Variants in CFAP210 observed in about 807,000 individuals in gnomAD.
The protein encoded by CFAP210 is cilia and flagella associated protein 210, also known as cilia- and flagella- associated protein 210.
At chr2:169,690,860 A>C in the CFAP210 span, among the ~76,000 whole-genome samples, 1 of 152,016 alleles carries the variant, frequency 6.6e-6, no homozygotes, top group Admixed American at 6.6e-5. Context: ...TTTGATCATG[A>C]TGTGTACAGC....
At chr2:169,687,652 G>A in the CFAP210 span, among the ~76,000 whole-genome samples, 1 of 152,224 alleles carries the variant, frequency 6.6e-6, no homozygotes, top group Admixed American at 6.5e-5. Context: ...CTCCCTCCTG[G>A]CTGCTTTCAC....
chr2:169,668,247 T>C, the CFAP210 span, among the ~76,000 whole-genome samples: 1 of 152,240 alleles, frequency 6.6e-6, no homozygotes, highest in Non-Finnish European at 1.5e-5. Context: ...GCAGTGTCTG[T>C]ACCTCTCCAG....
chr2:169,673,703 C>G, the CFAP210 span, among the ~76,000 whole-genome samples: 2 of 152,018 alleles, frequency 1.3e-5, no homozygotes, highest in Non-Finnish European at 2.9e-5. Flanking sequence ...TCTGTGTCGC[C>G]AGATCAATGA....
At chr2:169,656,952 A>C in the CFAP210 span, among the ~76,000 whole-genome samples, 2 of 131,032 alleles carry the variant, frequency 1.5e-5, no homozygotes, top group Non-Finnish European at 3.2e-5. Flanking sequence ...GTGACAGAAT[A>C]AGACTCCATC....
the CFAP210 span, chr2:169,674,653 T>C: frequency 6.2e-7 from 1 of 1,609,242 alleles, no homozygotes; most frequent in Non-Finnish European, 8.5e-7. Context: ...CTTTAAAAGC[T>C]TTTTCAATGT....
the CFAP210 span, among the ~76,000 whole-genome samples, chr2:169,678,116 G>A: frequency 3.0e-4 from 46 of 151,178 alleles, no homozygotes; most frequent in East Asian, 3.2e-3. Context: ...CGAGGTGGGC[G>A]GATCATCTGA....
the CFAP210 span, among the ~76,000 whole-genome samples, chr2:169,671,859 T>C: frequency 6.6e-6 from 1 of 152,212 alleles, no homozygotes; most frequent in Admixed American, 6.5e-5. Flanking sequence ...GTTCAATAAA[T>C]GTTTGTATGA....
the CFAP210 span, among the ~76,000 whole-genome samples, chr2:169,682,788 A>C: frequency 6.6e-6 from 1 of 152,076 alleles, no homozygotes; most frequent in African/African-American, 2.4e-5. Flanking sequence ...AGACTACCTG[A>C]ACTTTTTCTG....
At chr2:169,651,060 C>T in the CFAP210 span, among the ~76,000 whole-genome samples, 1 of 151,632 alleles carries the variant, frequency 6.6e-6, no homozygotes, top group Non-Finnish European at 1.5e-5. Context: ...AACCCTGTCT[C>T]CACTAAAAAT....
the CFAP210 span, among the ~76,000 whole-genome samples, chr2:169,675,788 C>T: frequency 1.1e-4 from 17 of 152,204 alleles, no homozygotes; most frequent in Middle Eastern, 3.2e-3. Context: ...TTCCTCTCCA[C>T]AGTTACACAA....
chr2:169,687,696 C>T, the CFAP210 span, among the ~76,000 whole-genome samples: 3 of 152,162 alleles, frequency 2.0e-5, no homozygotes, highest in South Asian at 6.2e-4. Context: ...CTTTTCCAGG[C>T]GCATGGTGCA....
At chr2:169,665,290 TAAAAAC>T in the CFAP210 span, among the ~76,000 whole-genome samples, 12 of 132,040 alleles carry the variant, frequency 9.1e-5, no homozygotes, top group Non-Finnish European at 1.9e-4. Flanking sequence ...CTTTCATTTT[TAAAAAC>T]TGTTTTTTGA....
the CFAP210 span, among the ~76,000 whole-genome samples, chr2:169,675,605 G>A: frequency 6.6e-6 from 1 of 152,082 alleles, no homozygotes; most frequent in Non-Finnish European, 1.5e-5. Flanking sequence ...TGAGAAATCT[G>A]CCCCCATGAT....
the CFAP210 span, among the ~76,000 whole-genome samples, chr2:169,677,290 C>A: frequency 6.6e-6 from 1 of 152,090 alleles, no homozygotes; most frequent in Non-Finnish European, 1.5e-5. Flanking sequence ...GACCAATATC[C>A]CTCATGAACA....
the CFAP210 span, among the ~76,000 whole-genome samples, chr2:169,692,444 G>GCGCGCACACA: frequency 4.0e-4 from 57 of 143,786 alleles, no homozygotes; most frequent in Middle Eastern, 3.5e-3. Context: ...ACAGGCGCAC[G>GCGCGCACACA]CACACACACA....
chr2:169,650,389 T>C, the CFAP210 span: 35 of 1,602,902 alleles, frequency 2.2e-5, no homozygotes, highest in Non-Finnish European at 2.9e-5. Flanking sequence ...CATCTTTTTC[T>C]CTTTCTCTTT....
the CFAP210 span, among the ~76,000 whole-genome samples, chr2:169,653,412 T>A: frequency 2.6e-5 from 4 of 151,888 alleles, no homozygotes; most frequent in Non-Finnish European, 5.9e-5. Flanking sequence ...GAGAGCCTTA[T>A]GGGCCATTGT....
the CFAP210 span, among the ~76,000 whole-genome samples, chr2:169,672,331 T>C: frequency 6.6e-6 from 1 of 152,194 alleles, no homozygotes; most frequent in South Asian, 2.1e-4. Context: ...AGTCAGGGGT[T>C]TTCCAGAGAA....
chr2:169,681,031 T>C, the CFAP210 span: 1 of 1,613,970 alleles, frequency 6.2e-7, no homozygotes, highest in Non-Finnish European at 8.5e-7. Context: ...TCCAGTGTTT[T>C]ACCACTTCTT....
Sources: gnomAD v4.1 joint callset for allele counts (sites outside exome capture counted in the v4.1 genomes callset) on GRCh38, gnomAD v4.1.1 for gene constraint, MANE v1.5 for transcripts, NCBI Gene and HGNC (gene_info 2026-07-23, HGNC 2026-07-21) for gene names.